ABAT: variants seen among roughly 807,000 people sequenced by gnomAD.
The protein encoded by ABAT is 4-aminobutyrate aminotransferase.
A neutral mutation model predicts 64.6 loss-of-function variants in ABAT; 45 were observed. That is an observed-to-expected ratio of 0.70 (90% CI 0.55 to 0.89). ABAT has a LOEUF of 0.89. ABAT is among the 40% of genes least tolerant of loss of function. The pLI, the probability that ABAT is intolerant of heterozygous loss-of-function variation, is 0.00. For missense variants in ABAT, 633 were observed against 658.4 expected, an observed-to-expected ratio of 0.96 and a Z score of 0.42; for synonymous variants, 297 against 250.5, an observed-to-expected ratio of 1.19 and a Z score of -1.75.
chr16:8,750,943 CTTTTT>C (rs71301327), intron 5 of ABAT, among the ~76,000 whole-genome samples: 1 of 109,742 alleles, frequency 9.1e-6, no homozygotes, highest in African/African-American at 3.6e-5. Context: ...TTTTTCCCTG[CTTTTT>C]TTTTTTTTTT....
chr16:8,751,628 G>T (rs1002530167), intron 5 of ABAT, among the ~76,000 whole-genome samples: 1 of 152,194 alleles, frequency 6.6e-6, no homozygotes, highest in South Asian at 2.1e-4. Context: ...TCGCCCATCA[G>T]CTGCGAGAGG....
chr16:8,679,866 G>A (rs1472061266), intron 1 of ABAT, among the ~76,000 whole-genome samples: 1 of 151,988 alleles, frequency 6.6e-6, no homozygotes, highest in South Asian at 2.1e-4. Flanking sequence ...ATTCTGAGGG[G>A]GTCTGTGCTA....
chr16:8,738,616 G>T (rs556277336), intron 2 of ABAT, among the ~76,000 whole-genome samples: 2,987 of 117,456 alleles, frequency 0.025, 172 homozygotes, highest in African/African-American at 0.1. Flanking sequence ...TTTTGTTTTT[G>T]TTTTTGTTTT....
chr16:8,678,207 A>T (rs1407826502), intron 1 of ABAT, among the ~76,000 whole-genome samples: 3 of 152,206 alleles, frequency 2.0e-5, no homozygotes, highest in Non-Finnish European at 4.4e-5. Context: ...CATTTACACA[A>T]GACTTTCTTG....
At chr16:8,707,504 T>C (rs2057975422) in intron 1 of ABAT, among the ~76,000 whole-genome samples, 1 of 151,982 alleles carries the variant, frequency 6.6e-6, no homozygotes, top group African/African-American at 2.4e-5. Context: ...AGAGACATTT[T>C]AGAGGCAAAT....
In ABAT at chr16:8,733,127, AC is replaced by A. The variant is rs1202977957; in HGVS notation, c.-41-2563del. Among the ~76,000 whole-genome samples the A allele has an allele frequency of 5.1e-3, 435 of 85,264 alleles. 24 individuals are homozygous for A. The highest frequency in any genetic ancestry group is 0.012 in the African/African-American group (255 of 20,492). The allele number at this position is 85,264 out of a possible 152,430, so 55.9% of individuals were successfully genotyped here. A position where few individuals can be genotyped will look rare whatever the true frequency, so the allele number is the denominator to read the frequency against. ...GGGCGGCTGGCCGGGCGGGGGGCTGACCCCCCCCCACCTCCCTCCCGGACGG... is the reference window on the plus strand; with the variant it reads ...GGGCGGCTGGCCGGGCGGGGGGCTGACCCCCCCCACCTCCCTCCCGGACGG... On this transcript the variant is annotated intron_variant, in intron 1 of 15. Transcript: ENST00000268251.
At chr16:8,710,694 C>CAGAGAGAG (rs558327984) in intron 1 of ABAT, among the ~76,000 whole-genome samples, 82 of 122,026 alleles carry the variant, frequency 6.7e-4, no homozygotes, top group East Asian at 5.2e-3. Context: ...GAGAGAGAGA[C>CAGAGAGAG]AGAGAGAGAG....
rs930669857 is a variant in ABAT at position 8,782,359 on chromosome 16, T to A, written c.*929T>A. The A allele has an allele frequency of 3.3e-5, 5 of 152,306 alleles. No homozygotes were observed. Among genetic ancestry groups the A allele is most frequent in the Admixed American group, 2.6e-4 (4 of 15,284 alleles). 9.4% of individuals were successfully genotyped at this position (152,306 alleles called of 1,614,324 possible). A position where few individuals can be genotyped will look rare whatever the true frequency, so the allele number is the denominator to read the frequency against. On this transcript the variant is annotated 3_prime_UTR_variant, in exon 16 of 16. Coordinates refer to ENST00000268251, the MANE Select transcript of ABAT (RefSeq NM_020686.6). ...TCCCAGGGCAACTTGAGGTCTGACTTTTGGCTCCCTCGCCCTAAGAGGCTC... is the reference window on the plus strand; with the variant it reads ...TCCCAGGGCAACTTGAGGTCTGACTATTGGCTCCCTCGCCCTAAGAGGCTC...
intron 2 of ABAT, among the ~76,000 whole-genome samples, chr16:8,739,732 G>T (rs2059107293): frequency 6.8e-6 from 1 of 146,484 alleles, no homozygotes; most frequent in African/African-American, 2.5e-5. Context: ...TTACAAGCAT[G>T]GAAATACAGG....
chr16:8,762,328 T>C (rs2059822106), intron 6 of ABAT, among the ~76,000 whole-genome samples: 1 of 152,120 alleles, frequency 6.6e-6, no homozygotes, highest in Non-Finnish European at 1.5e-5. Context: ...TCTGGGTCTT[T>C]CCCTCTGCAT....
intron 1 of ABAT, among the ~76,000 whole-genome samples, chr16:8,698,474 C>T (rs1395934498): frequency 1.3e-5 from 2 of 152,136 alleles, no homozygotes; most frequent in African/African-American, 4.8e-5. Flanking sequence ...GCTGGGATTA[C>T]AGGCACCTGC....
At chr16:8,759,022 A>G (rs1389743876) in intron 6 of ABAT, among the ~76,000 whole-genome samples, 4 of 152,088 alleles carry the variant, frequency 2.6e-5, no homozygotes, top group African/African-American at 9.7e-5. Flanking sequence ...GAATTGCTTG[A>G]ACCCAGGAGG....
At chr16:8,723,953 G>C (rs1042923709) in intron 1 of ABAT, among the ~76,000 whole-genome samples, 4 of 144,988 alleles carry the variant, frequency 2.8e-5, no homozygotes, top group African/African-American at 7.8e-5. Context: ...CAATTATCCT[G>C]TGTCAGCCTC....
chr16:8,680,096 C>T (rs1174768083), intron 1 of ABAT, among the ~76,000 whole-genome samples: 1 of 152,168 alleles, frequency 6.6e-6, no homozygotes, highest in Non-Finnish European at 1.5e-5. Context: ...CCTCCCCCAC[C>T]TCCAGCCAGG....
At chr16:8,772,330 A>G (rs764976622) in intron 11 of ABAT, among the ~76,000 whole-genome samples, 1 of 147,180 alleles carries the variant, frequency 6.8e-6, no homozygotes, top group African/African-American at 2.6e-5. Flanking sequence ...ATTTCTCTCA[A>G]TATACCCGTG....
At chr16:8,751,632 C>T (rs950508866) in intron 5 of ABAT, among the ~76,000 whole-genome samples, 5 of 152,122 alleles carry the variant, frequency 3.3e-5, no homozygotes, top group African/African-American at 7.2e-5. Flanking sequence ...CCATCAGCTG[C>T]GAGAGGGGAG....
intron 1 of ABAT, among the ~76,000 whole-genome samples, chr16:8,709,358 ATTT>A (rs2142068158): frequency 6.5e-5 from 1 of 15,302 alleles, no homozygotes; most frequent in South Asian, 3.2e-3. Context: ...ATTTTTATTT[ATTT>A]ATTTATTTAT....
At chr16:8,740,228 G>T (rs75055007) in intron 2 of ABAT, among the ~76,000 whole-genome samples, 5 of 152,012 alleles carry the variant, frequency 3.3e-5, no homozygotes, top group African/African-American at 1.2e-4. Context: ...CTGCCGCCAC[G>T]TAACACATAC....
At chr16:8,759,702 T>C (rs1752154889) in intron 6 of ABAT, among the ~76,000 whole-genome samples, 1 of 151,962 alleles carries the variant, frequency 6.6e-6, no homozygotes, top group Admixed American at 6.6e-5. Flanking sequence ...TGTTGGTTTG[T>C]TTGTTGTTTT....
Sources: gnomAD v4.1 joint callset for allele counts (sites outside exome capture counted in the v4.1 genomes callset) on GRCh38, gnomAD v4.1.1 for gene constraint, MANE v1.5 for transcripts, NCBI Gene and HGNC (gene_info 2026-07-23, HGNC 2026-07-21) for gene names.